Variants in MYO16 observed in about 807,000 individuals in gnomAD.
MYO16 encodes the protein myosin XVI, also known as unconventional myosin-XVI.
MYO16 carries 94 observed loss-of-function variants against 205.3 expected under a neutral mutation model. The observed-to-expected ratio is 0.46, with a 90% confidence interval of 0.39 to 0.54. The LOEUF (loss-of-function observed/expected upper bound fraction) is 0.54. Ranked by LOEUF, MYO16 falls within the 20% of genes least tolerant of loss-of-function variation. MYO16 has a pLI of 0.00. For synonymous variants in MYO16, 988 were observed against 954.0 expected, an observed-to-expected ratio of 1.04 and a Z score of -0.66; for missense variants, 2,315 against 2,387.5, an observed-to-expected ratio of 0.97 and a Z score of 0.63.
intron 4 of MYO16, among the ~76,000 whole-genome samples, chr13:108,761,184 A>T (rs1056043940): frequency 6.6e-6 from 1 of 152,138 alleles, no homozygotes; most frequent in Non-Finnish European, 1.5e-5. Flanking sequence ...ACCTTTACAG[A>T]CTGTGCCTAG....
In MYO16 at chr13:108,912,931, A is replaced by G. The variant is rs181588948; in HGVS notation, c.1925+2781A>G. On this transcript the variant is annotated intron_variant, in intron 16 of 34. Coordinates refer to ENST00000457511, the MANE Select transcript of MYO16 (RefSeq NM_001198950.3). ...ATGTAACCTATAATTTAAATAAACA[A>G]TTTAACTTCTTGATCTGTGGTTTGG... Among the ~76,000 whole-genome samples, 3 of 152,270 alleles carry G rather than the reference A, an allele frequency of 2.0e-5. No homozygotes were observed. The East Asian group carries it at 5.8e-4, about 29-fold the overall frequency.
At chr13:108,841,205 GA>G (rs1462318166) in intron 9 of MYO16, among the ~76,000 whole-genome samples, 2 of 152,140 alleles carry the variant, frequency 1.3e-5, no homozygotes, top group African/African-American at 4.8e-5. Context: ...TTACATCAAT[GA>G]ATGATAATGA....
chr13:108,668,044 A>T (rs1000341590), intron 2 of MYO16, among the ~76,000 whole-genome samples: 2 of 152,176 alleles, frequency 1.3e-5, no homozygotes, highest in East Asian at 3.9e-4. Context: ...TCTCAAAAAC[A>T]CTTCTTTTAA....
At chr13:108,960,275 A>AG (rs1883532623) in intron 17 of MYO16, among the ~76,000 whole-genome samples, 1 of 11,884 alleles carries the variant, frequency 8.4e-5, no homozygotes, top group Non-Finnish European at 1.8e-4. Flanking sequence ...ACCCTGTCTC[A>AG]AAAAAAAAAA....
chr13:108,964,962 C>T lies in MYO16; in HGVS notation c.2369+60C>T, dbSNP rs1000780832. The stretch of plus-strand genomic sequence containing the variant: ...TACTGTAATAAATAACTTAAAGGCT[C>T]AACTCCAAAAGCAGCTTCATATTAC... On this transcript the variant is annotated intron_variant, in intron 20 of 34. Transcript: ENST00000457511. 201 of 1,550,514 alleles carry T rather than the reference C, an allele frequency of 1.3e-4. 1 individual carries two copies. The highest frequency in any genetic ancestry group is 1.7e-4 in the Non-Finnish European group (195 of 1,141,346).
chr13:109,174,972 G>C (rs1335624414), intron 33 of MYO16, among the ~76,000 whole-genome samples: 1 of 151,252 alleles, frequency 6.6e-6, no homozygotes, highest in Non-Finnish European at 1.5e-5. Context: ...GAATGGTCTT[G>C]ATCTGCTGAC....
chr13:108,619,045 T>C (rs1212591573), intron 1 of MYO16, among the ~76,000 whole-genome samples: 1 of 152,178 alleles, frequency 6.6e-6, no homozygotes, highest in Non-Finnish European at 1.5e-5. Flanking sequence ...TGTTTTTGGA[T>C]TTTATGTAAA....
intron 27 of MYO16, among the ~76,000 whole-genome samples, chr13:109,076,625 G>C (rs1201035321): frequency 6.6e-6 from 1 of 152,066 alleles, no homozygotes; most frequent in Non-Finnish European, 1.5e-5. Flanking sequence ...CCATAGCAGA[G>C]GGCCCAGAGA....
At chr13:108,909,138 A>C (rs1881144768) in intron 15 of MYO16, among the ~76,000 whole-genome samples, 1 of 152,328 alleles carries the variant, frequency 6.6e-6, no homozygotes, top group East Asian at 1.9e-4. Context: ...AATTTTGACC[A>C]ACGCTAGCTT....
Position 109,141,263 on chromosome 13 carries a change from C to T in MYO16, c.5051C>T (p.Pro1684Leu). Residue 1684 changes from proline to leucine, a missense_variant, in exon 32 of 35, where the codon CCT becomes CTT. Physicochemically the swap from Pro to Leu is moderately conservative, Grantham distance 98 (BLOSUM62 -3). Coordinates refer to ENST00000457511, the MANE Select transcript of MYO16 (RefSeq NM_001198950.3). This position sits in a 1 kb window ranked among gnomAD's most constrained non-coding sequence, Gnocchi z 4.1. ...GCCTCGCCCCCCGCGCCCTACAGCC[C>T]TCCCAGCTCCAGGCCTCTCAGCAGC... ...SSASPPAPYS[P>L]PSSRPLSSPL... The T allele has an allele frequency of 6.2e-7, 1 of 1,604,634 alleles. No homozygotes were observed. Among genetic ancestry groups the T allele is most frequent in the Non-Finnish European group, 8.5e-7 (1 of 1,175,714 alleles).
chr13:108,990,558 T>G, intron 20 of MYO16, among the ~76,000 whole-genome samples: 1 of 152,216 alleles, frequency 6.6e-6, no homozygotes, highest in South Asian at 2.1e-4. Context: ...TTTTAATTTC[T>G]TGTTCTAACA....
chr13:108,622,683 G>A (rs1204861696), intron 1 of MYO16, among the ~76,000 whole-genome samples: 2 of 151,192 alleles, frequency 1.3e-5, no homozygotes, highest in African/African-American at 4.9e-5. Flanking sequence ...GAGAGGGATG[G>A]TGGGGGATGG....
chr13:108,966,957 A>G (rs1883814514), intron 20 of MYO16, among the ~76,000 whole-genome samples: 1 of 152,110 alleles, frequency 6.6e-6, no homozygotes, highest in African/African-American at 2.4e-5. Flanking sequence ...AAGATTATAT[A>G]AATAAATAAT....
At chr13:108,713,622 A>G (rs945671393) in intron 3 of MYO16, among the ~76,000 whole-genome samples, 1 of 152,198 alleles carries the variant, frequency 6.6e-6, no homozygotes, top group Non-Finnish European at 1.5e-5. Context: ...AAGACTTCCC[A>G]GGTTATTCTA....
At chr13:108,931,510 C>T (rs950669433) in intron 16 of MYO16, among the ~76,000 whole-genome samples, 1 of 152,208 alleles carries the variant, frequency 6.6e-6, no homozygotes, top group East Asian at 1.9e-4. Context: ...CACAGGTAGT[C>T]CCCGCACCCC....
chr13:108,496,844 G>A, the MYO16 span, among the ~76,000 whole-genome samples: 1 of 152,170 alleles, frequency 6.6e-6, no homozygotes, highest in Non-Finnish European at 1.5e-5. Context: ...GCTAAGCGGG[G>A]TTAAGTGAAA....
At position 109,077,938 on chromosome 13, in the gene MYO16, A is replaced by G. The variant is rs75383114; in HGVS notation, c.3335+22343A>G. On this transcript the variant is annotated intron_variant, in intron 27 of 34. Transcript: ENST00000457511. ...TTAGGTATTTGAAGTCCTCTCACATATCACAATGCTCTGTTGATATTTCTT... is the reference window on the plus strand; with the variant it reads ...TTAGGTATTTGAAGTCCTCTCACATGTCACAATGCTCTGTTGATATTTCTT... Among the ~76,000 whole-genome samples, 16 of 152,260 alleles carry G rather than the reference A, an allele frequency of 1.1e-4. No homozygotes were observed. The East Asian group carries it at 2.9e-3, about 28-fold the overall frequency.
chr13:108,699,337 T>C (rs942129634), intron 2 of MYO16, among the ~76,000 whole-genome samples: 4 of 152,132 alleles, frequency 2.6e-5, no homozygotes, highest in Admixed American at 2.6e-4. Flanking sequence ...TTGTTTTTAT[T>C]ATCTCAAGAT....
intron 1 of MYO16, among the ~76,000 whole-genome samples, chr13:108,662,395 C>T (rs533203547): frequency 5.1e-4 from 77 of 152,230 alleles, no homozygotes; most frequent in Non-Finnish European, 9.1e-4. Context: ...TAGGGAAGGA[C>T]CATTAAGTGG....
Sources: allele counts gnomAD v4.1 joint callset (sites outside exome capture counted in the v4.1 genomes callset), GRCh38; gene constraint gnomAD v4.1.1; non-coding constraint Gnocchi (gnomAD v3.1); transcripts MANE v1.5; gene names NCBI Gene and HGNC (gene_info 2026-07-23, HGNC 2026-07-21).